The following GDAP2 variants were observed in gnomAD, a reference collection of about 807,000 sequenced individuals.
GDAP2 encodes ganglioside induced differentiation associated protein 2, also known as ganglioside-induced differentiation-associated protein 2.
In GDAP2, 51 loss-of-function variants were observed where a neutral mutation model predicts 67.0. The ratio of observed to expected loss-of-function variants is 0.76; its 90% confidence interval spans 0.61 to 0.96. GDAP2 has a LOEUF of 0.96. Among genes scored for constraint, GDAP2 ranks in the 40% least tolerant of loss-of-function variants. GDAP2 has a pLI of 0.00. For synonymous variants in GDAP2, 203 were observed against 207.3 expected, an observed-to-expected ratio of 0.98 and a Z score of 0.18; for missense variants, 547 against 588.3, an observed-to-expected ratio of 0.93 and a Z score of 0.73.
intron 6 of GDAP2, among the ~76,000 whole-genome samples, chr1:117,899,978 A>C (rs895095754): frequency 6.6e-6 from 1 of 152,184 alleles, no homozygotes; most frequent in East Asian, 1.9e-4. Flanking sequence ...TTTCATTTTC[A>C]TATTGTGTTG....
At chr1:117,877,299 A>G (rs1041712268) in intron 13 of GDAP2, 6 of 958,944 alleles carry the variant, frequency 6.3e-6, no homozygotes, top group African/African-American at 3.5e-5. Context: ...CAAACTTAAT[A>G]TAACTTTCAA....
chr1:117,887,907 TA>T (rs1322451164), intron 8 of GDAP2, 133 bp from the exon 9 acceptor site: 39 of 600,454 alleles, frequency 6.5e-5, no homozygotes, highest in Middle Eastern at 9.1e-4. Flanking sequence ...GGGAAGGAGT[TA>T]AAGAAGCATT....
intron 10 of GDAP2, 27 bp from the exon 11 acceptor site, chr1:117,883,654 G>A (rs912765548): frequency 5.1e-6 from 8 of 1,557,026 alleles, no homozygotes; most frequent in Non-Finnish European, 5.3e-6. Flanking sequence ...GAATAAAGGT[G>A]AAGATCATTT....
At chr1:117,919,433 T>C (rs1247520632) in intron 2 of GDAP2, among the ~76,000 whole-genome samples, 5 of 151,850 alleles carry the variant, frequency 3.3e-5, no homozygotes, top group Non-Finnish European at 7.4e-5. Flanking sequence ...CTTGAAAACA[T>C]TATGCTAAGT....
At chr1:117,914,108 G>A (rs1192269077) in intron 3 of GDAP2, among the ~76,000 whole-genome samples, 2 of 152,128 alleles carry the variant, frequency 1.3e-5, no homozygotes, top group Non-Finnish European at 2.9e-5. Context: ...ACACCCATGT[G>A]TACAAAGTTT....
At position 117,868,095 on chromosome 1, in the gene GDAP2, T is replaced by C. The variant is rs1251268796; in HGVS notation, c.*2474A>G. The C allele has an allele frequency of 2.6e-5, 4 of 152,228 alleles. No homozygotes were observed. The highest frequency in any genetic ancestry group is 9.6e-5 in the African/African-American group (4 of 41,456). 9.4% of individuals were successfully genotyped at this position (152,228 alleles called of 1,614,324 possible). A position where few individuals can be genotyped will look rare whatever the true frequency, so the allele number is the denominator to read the frequency against. Reference sequence around the variant, plus strand: ...ATCCAGTATCCCCTTTATCCTCTAATATGTCCTTGAAAATGGCATGTATTA... The same window carrying C: ...ATCCAGTATCCCCTTTATCCTCTAACATGTCCTTGAAAATGGCATGTATTA... On this transcript the variant is annotated 3_prime_UTR_variant, in exon 14 of 14. Transcript: ENST00000369443.
rs990975246 is a variant in GDAP2 at position 117,865,435 on chromosome 1, A to C, written c.*5134T>G. The C allele has an allele frequency of 2.0e-5, 3 of 152,216 alleles. No individual in the cohort carries two copies. Among genetic ancestry groups the C allele is most frequent in the African/African-American group, 7.2e-5 (3 of 41,456 alleles). 9.4% of individuals were successfully genotyped at this position (152,216 alleles called of 1,614,324 possible). ...TCTGAATTTTCAGTAAGCAAATTGT[A>C]AGATCTGTCAATTTAAGCATTTTTA... On this transcript the variant is annotated 3_prime_UTR_variant, in exon 14 of 14. Coordinates refer to ENST00000369443, the MANE Select transcript of GDAP2 (RefSeq NM_017686.4).
At chr1:117,901,675 T>A (rs966341594) in intron 6 of GDAP2, among the ~76,000 whole-genome samples, 2 of 151,618 alleles carry the variant, frequency 1.3e-5, no homozygotes, top group Non-Finnish European at 2.9e-5. Context: ...AATAAATGTA[T>A]GTTAATTATG....
chr1:117,912,750 G>T (rs1044117739), intron 3 of GDAP2, 67 bp from the exon 4 acceptor site: 7 of 1,323,046 alleles, frequency 5.3e-6, no homozygotes, highest in African/African-American at 1.5e-5. Context: ...ACAAATGAAA[G>T]CATGAAACAG....
intron 3 of GDAP2, among the ~76,000 whole-genome samples, chr1:117,917,452 C>T (rs569613946): frequency 6.6e-6 from 1 of 152,272 alleles, no homozygotes; most frequent in Non-Finnish European, 1.5e-5. Context: ...GTGCTTAGCA[C>T]CTAATGTCCA....
chr1:117,907,006 C>A (rs965136860), intron 5 of GDAP2, among the ~76,000 whole-genome samples: 1 of 152,242 alleles, frequency 6.6e-6, no homozygotes, highest in African/African-American at 2.4e-5. Flanking sequence ...CCAGAATGAT[C>A]TAGCACAAGT....
intron 5 of GDAP2, among the ~76,000 whole-genome samples, chr1:117,911,779 T>C (rs1185219751): frequency 4.6e-5 from 7 of 152,020 alleles, no homozygotes; most frequent in Non-Finnish European, 8.8e-5. Context: ...CCTTTTTTTT[T>C]TGAGATGAGG....
intron 13 of GDAP2, among the ~76,000 whole-genome samples, chr1:117,875,972 C>T (rs1220055247): frequency 1.3e-5 from 2 of 152,062 alleles, no homozygotes; most frequent in African/African-American, 2.4e-5. Flanking sequence ...TGAGTTGGTG[C>T]TGGAACAAGG....
In GDAP2 at chr1:117,920,212, T is replaced by G; in HGVS notation, c.146A>C (p.Asn49Thr). ...EDTVRSPFLY[N>T]KDVNGKVVLW... ...AACCACTTTTCCATTGACGTCCTTATTATAAAGAAAAGGTGATCGAACAGT... is the reference window on the plus strand; with the variant it reads ...AACCACTTTTCCATTGACGTCCTTAGTATAAAGAAAAGGTGATCGAACAGT... The change falls in exon 2 of 14, where the codon AAT becomes ACT. Residue 49 changes from asparagine (N) to threonine (T), a missense_variant. Asn to Thr is a moderately conservative substitution (Grantham distance 65). Coordinates refer to ENST00000369443, the MANE Select transcript of GDAP2 (RefSeq NM_017686.4). 1 of 1,606,384 alleles carries G rather than the reference T, an allele frequency of 6.2e-7. No individual in the cohort carries two copies. Among genetic ancestry groups the G allele is most frequent in the South Asian group, 1.1e-5 (1 of 90,172 alleles).
chr1:117,878,657 TCAAAGTGAATCA>T (rs1448428686), intron 12 of GDAP2, among the ~76,000 whole-genome samples: 1 of 152,218 alleles, frequency 6.6e-6, no homozygotes, highest in East Asian at 1.9e-4. Context: ...TCGAAGTCCA[TCAAAGTGAATCA>T]CTTGTAGATG....
rs1480413049 is a variant in GDAP2, at chr1:117,912,698, A to T, written c.317-15T>A. ...TGTTCGGCACCCTGAAAACAATGGA[A>T]ACACACATAAGTTTGGATGTGTTAG... On this transcript the variant is annotated splice_polypyrimidine_tract_variant and intron_variant, in intron 3 of 13. Transcript: ENST00000369443. The T allele has an allele frequency of 6.2e-7, 1 of 1,609,426 alleles. No homozygotes were observed. The highest frequency in any genetic ancestry group is 8.5e-7 in the Non-Finnish European group (1 of 1,176,324).
intron 10 of GDAP2, among the ~76,000 whole-genome samples, chr1:117,883,841 T>G (rs1485171392): frequency 6.6e-6 from 1 of 152,162 alleles, no homozygotes. Context: ...TTCTCATAAG[T>G]GCTACAGTAC....
At chr1:117,921,607 A>G (rs1362879757) in intron 1 of GDAP2, among the ~76,000 whole-genome samples, 1 of 152,190 alleles carries the variant, frequency 6.6e-6, no homozygotes, top group African/African-American at 2.4e-5. Context: ...CTAGGTAATG[A>G]GTGGTAGGTG....
In GDAP2 at chr1:117,929,602, T is replaced by C. The variant is rs1177452801; in HGVS notation, c.-222A>G. 1 of 152,314 alleles carries C rather than the reference T, an allele frequency of 6.6e-6. No homozygotes were observed. Among genetic ancestry groups the C allele is most frequent in the Non-Finnish European group, 1.5e-5 (1 of 68,106 alleles). The allele number at this position is 152,314 out of a possible 1,614,324, so 9.4% of individuals were successfully genotyped here. On this transcript the variant is annotated 5_prime_UTR_variant, in exon 1 of 14. Transcript: ENST00000369443. ...CTGGAGTGACCAGCTGCAAATGCTC[T>C]GGGCTGCGAAACACCGGCTTCCGCT...
Sources: allele counts gnomAD v4.1 joint callset (sites outside exome capture counted in the v4.1 genomes callset), GRCh38; gene constraint gnomAD v4.1.1; transcripts MANE v1.5; gene names NCBI Gene and HGNC (gene_info 2026-07-23, HGNC 2026-07-21).